The following CSMD1 variants were observed in gnomAD, a reference collection of about 807,000 sequenced individuals.
The protein encoded by CSMD1 is CUB and Sushi multiple domains 1.
A neutral mutation model predicts 417.5 loss-of-function variants in CSMD1; 213 were observed. That is an observed-to-expected ratio of 0.51 (90% CI 0.46 to 0.57). The LOEUF (loss-of-function observed/expected upper bound fraction) is 0.57, where lower values mean the gene tolerates loss of function less well. Ranked by LOEUF, CSMD1 falls within the 20% of genes least tolerant of loss-of-function variation. The pLI, the probability that CSMD1 is intolerant of heterozygous loss-of-function variation, is 0.00. For missense variants in CSMD1, 6,923 were observed against 4,529.7 expected, an observed-to-expected ratio of 1.53 and a Z score of -15.17; for synonymous variants, 2,862 against 1,736.8, an observed-to-expected ratio of 1.65 and a Z score of -16.11.
intron 1 of CSMD1, among the ~76,000 whole-genome samples, chr8:4,974,295 G>A (rs937190702): frequency 6.6e-6 from 1 of 151,956 alleles, no homozygotes; most frequent in African/African-American, 2.4e-5. Flanking sequence ...CAAAGTGCTG[G>A]GATTACAGGC....
At chr8:3,600,952 C>T (rs1225878596) in intron 8 of CSMD1, among the ~76,000 whole-genome samples, 1 of 152,138 alleles carries the variant, frequency 6.6e-6, no homozygotes, top group Non-Finnish European at 1.5e-5. Context: ...GAATTGATTG[C>T]AATGTCAAGA....
chr8:3,511,036 A>T (rs144332108), intron 10 of CSMD1, among the ~76,000 whole-genome samples: 2,489 of 151,960 alleles, frequency 0.016, 40 homozygotes, highest in Admixed American at 0.025. Flanking sequence ...TACACCATGG[A>T]ATACTATGCA....
chr8:3,372,534 C>A (rs559729342), intron 18 of CSMD1, among the ~76,000 whole-genome samples: 1 of 152,198 alleles, frequency 6.6e-6, no homozygotes, highest in South Asian at 2.1e-4. Context: ...TCTGAACCTG[C>A]CTGTGTCCTG....
intron 7 of CSMD1, among the ~76,000 whole-genome samples, chr8:3,679,079 A>G (rs980056694): frequency 1.3e-5 from 2 of 152,204 alleles, no homozygotes; most frequent in African/African-American, 4.8e-5. Context: ...CTGCAAAAAC[A>G]TGCCAAATTG....
At chr8:3,097,282 C>T (rs1487141395) in intron 46 of CSMD1, among the ~76,000 whole-genome samples, 1 of 152,242 alleles carries the variant, frequency 6.6e-6, no homozygotes, top group East Asian at 1.9e-4. Flanking sequence ...CCTGCATCTC[C>T]CACACACCTT....
chr8:3,182,578 CTGTGTGTGTGTGTGTGTGTGTG>C lies in CSMD1; in HGVS notation c.5621-1386_5621-1365del, dbSNP rs35090952. On this transcript the variant is annotated intron_variant, in intron 36 of 69. Coordinates refer to ENST00000635120, the MANE Select transcript of CSMD1 (RefSeq NM_033225.6). The stretch of plus-strand genomic sequence containing the variant: ...ACTCTGGCTGTCTTTTTATAAGAAG[CTGTGTGTGTGTGTGTGTGTGTG>C]TGTGTGTGTGTGTGTGTGTGTGTGT... Among the ~76,000 whole-genome samples, 73 of 94,172 alleles carry C rather than the reference CTGTGTGTGTGTGTGTGTGTGTG, an allele frequency of 7.8e-4. 5 individuals are homozygous for C. Among genetic ancestry groups the C allele is most frequent in the Middle Eastern group, 6.4e-3 (1 of 156 alleles). The allele number at this position is 94,172 out of a possible 152,430, so 61.8% of individuals were successfully genotyped here. A position where few individuals can be genotyped will look rare whatever the true frequency, so the allele number is the denominator to read the frequency against.
chr8:3,875,391 C>T lies in CSMD1; in HGVS notation c.819-121349G>A, dbSNP rs925105413. 7.9e-5 allele frequency among the ~76,000 whole-genome samples: 12 copies of T among 152,238 alleles called. No homozygotes were observed. In the East Asian group the frequency reaches 1.9e-3, roughly 25 times the overall value. On this transcript the variant is annotated intron_variant, in intron 5 of 69. Transcript: ENST00000635120. ...GACGTTTTGGCGACTTCTGCGTAGA[C>T]ATGGTCTATGAAGTTATGGATTGGA... is the stretch of plus-strand genomic sequence containing the variant.
chr8:3,167,403 G>C (rs1457005642), intron 37 of CSMD1, among the ~76,000 whole-genome samples: 1 of 151,914 alleles, frequency 6.6e-6, no homozygotes, highest in Non-Finnish European at 1.5e-5. Flanking sequence ...TGAATGCCCA[G>C]GTGCCCTGAT....
Position 4,439,871 on chromosome 8 carries a change from G to C in CSMD1, c.303-19806C>G, listed in dbSNP as rs188868513. ...GCTTCGAAAGATAGGATGGTGTAAT[G>C]AGATCCCAAAAGAGAATCAACTACA... is the stretch of plus-strand genomic sequence containing the variant. On this transcript the variant is annotated intron_variant, in intron 2 of 69. Transcript: ENST00000635120. Among the ~76,000 whole-genome samples, 12 of 152,252 alleles carry C rather than the reference G, an allele frequency of 7.9e-5. No homozygotes were observed. In the East Asian group the frequency reaches 2.3e-3, roughly 29 times the overall value.
At chr8:3,294,785 G>A (rs1447426534) in intron 25 of CSMD1, among the ~76,000 whole-genome samples, 1 of 152,116 alleles carries the variant, frequency 6.6e-6, no homozygotes, top group Non-Finnish European at 1.5e-5. Context: ...GTGAGTTGAT[G>A]CCTCCCCCTG....
chr8:3,930,375 C>T (rs971084827), intron 5 of CSMD1, among the ~76,000 whole-genome samples: 1 of 150,562 alleles, frequency 6.6e-6, no homozygotes, highest in East Asian at 1.9e-4. Flanking sequence ...ATGTTCTTAG[C>T]TCACACAACT....
intron 2 of CSMD1, among the ~76,000 whole-genome samples, chr8:4,516,548 G>C (rs1023530266): frequency 6.6e-6 from 1 of 152,028 alleles, no homozygotes; most frequent in Non-Finnish European, 1.5e-5. Flanking sequence ...TGCTTGGTGT[G>C]GCCCCCAGCC....
intron 3 of CSMD1, among the ~76,000 whole-genome samples, chr8:4,357,366 C>G (rs1801490154): frequency 6.6e-6 from 1 of 152,132 alleles, no homozygotes; most frequent in South Asian, 2.1e-4. Flanking sequence ...TAGAGCTGAG[C>G]CCACTGTATT....
intron 8 of CSMD1, among the ~76,000 whole-genome samples, chr8:3,602,880 T>C (rs148575223): frequency 6.6e-6 from 1 of 152,190 alleles, no homozygotes; most frequent in Non-Finnish European, 1.5e-5. Context: ...ATTTTGAAGC[T>C]AACAAATTAA....
chr8:4,451,415 T>G (rs1441241260), intron 2 of CSMD1, among the ~76,000 whole-genome samples: 1 of 152,184 alleles, frequency 6.6e-6, no homozygotes, highest in East Asian at 1.9e-4. Context: ...TGATCAGTGT[T>G]TTCCACACTG....
At chr8:3,815,575 A>G (rs1398411932) in intron 5 of CSMD1, among the ~76,000 whole-genome samples, 1 of 152,108 alleles carries the variant, frequency 6.6e-6, no homozygotes, top group East Asian at 1.9e-4. Context: ...ACTGCTTTGA[A>G]ATTACATAAA....
intron 1 of CSMD1, among the ~76,000 whole-genome samples, chr8:4,830,650 G>A (rs373016831): frequency 2.6e-5 from 4 of 152,186 alleles, no homozygotes; most frequent in Non-Finnish European, 4.4e-5. Flanking sequence ...ATTGCTAAGA[G>A]GTCACAGAAA....
chr8:4,317,057 C>G (rs147166191), intron 3 of CSMD1, among the ~76,000 whole-genome samples: 1 of 152,098 alleles, frequency 6.6e-6, no homozygotes, highest in Non-Finnish European at 1.5e-5. Context: ...AACATACAAG[C>G]CCTGTGGAAT....
At chr8:3,440,647 C>T (rs1047251349) in intron 12 of CSMD1, among the ~76,000 whole-genome samples, 1 of 152,102 alleles carries the variant, frequency 6.6e-6, no homozygotes, top group Non-Finnish European at 1.5e-5. Flanking sequence ...TTCTCTTATC[C>T]TTGCAATTTT....
Sources: gnomAD v4.1 joint callset for allele counts (sites outside exome capture counted in the v4.1 genomes callset) on GRCh38, gnomAD v4.1.1 for gene constraint, MANE v1.5 for transcripts, NCBI Gene and HGNC (gene_info 2026-07-23, HGNC 2026-07-21) for gene names.